Variants in LRP1B observed in about 807,000 individuals in gnomAD.
The protein encoded by LRP1B is LDL receptor related protein 1B.
Under a neutral mutation model 556.6 loss-of-function variants are expected in LRP1B, and 217 were observed. The observed-to-expected ratio is 0.39, with a 90% confidence interval of 0.35 to 0.44. The LOEUF is 0.44. Ranked by LOEUF, LRP1B falls within the 20% of genes least tolerant of loss-of-function variation. The probability of loss-of-function intolerance (pLI) is 1.00; values close to 1 mark genes in which losing one functional copy is unlikely to be tolerated. For missense variants in LRP1B, 5,053 were observed against 5,620.8 expected, an observed-to-expected ratio of 0.90 and a Z score of 3.23; for synonymous variants, 2,047 against 1,865.8, an observed-to-expected ratio of 1.10 and a Z score of -2.50.
chr2:141,031,351 A>G (rs982507755), intron 11 of LRP1B, among the ~76,000 whole-genome samples: 1 of 151,706 alleles, frequency 6.6e-6, no homozygotes, highest in Non-Finnish European at 1.5e-5. Context: ...TCAGAATTGA[A>G]GAGTATTACT....
chr2:141,930,341 A>T (rs1390532653), intron 1 of LRP1B, among the ~76,000 whole-genome samples: 1 of 152,070 alleles, frequency 6.6e-6, no homozygotes, highest in African/African-American at 2.4e-5. Flanking sequence ...TTAAAAACAA[A>T]ACTTGACATT....
At chr2:140,464,202 A>C (rs1687446412) in intron 60 of LRP1B, among the ~76,000 whole-genome samples, 1 of 151,534 alleles carries the variant, frequency 6.6e-6, no homozygotes, top group Non-Finnish European at 1.5e-5. Context: ...CTCAAATAAT[A>C]ATAATAATAA....
chr2:141,626,443 A>G (rs1314750633), intron 2 of LRP1B, among the ~76,000 whole-genome samples: 2 of 152,226 alleles, frequency 1.3e-5, no homozygotes, highest in East Asian at 3.8e-4. Flanking sequence ...CCAACTATGA[A>G]TGTAATAATT....
intron 31 of LRP1B, among the ~76,000 whole-genome samples, chr2:140,816,813 T>C (rs1465687211): frequency 1.3e-5 from 2 of 152,106 alleles, no homozygotes; most frequent in African/African-American, 2.4e-5. Context: ...TATAGAAGTA[T>C]AATACATATC....
chr2:140,264,716 G>A (rs1430956847), intron 86 of LRP1B, among the ~76,000 whole-genome samples: 1 of 67,790 alleles, frequency 1.5e-5, no homozygotes, highest in Non-Finnish European at 2.9e-5. Context: ...GTGTGTGTGT[G>A]TGTGTGTGTG....
intron 3 of LRP1B, among the ~76,000 whole-genome samples, chr2:141,343,625 C>G (rs1354185066): frequency 6.6e-6 from 1 of 152,110 alleles, no homozygotes; most frequent in East Asian, 1.9e-4. Context: ...TCTAATTTTT[C>G]CACATTAATG....
intron 16 of LRP1B, among the ~76,000 whole-genome samples, chr2:140,992,257 A>G (rs78465768): frequency 1.3e-5 from 2 of 152,172 alleles, no homozygotes; most frequent in Middle Eastern, 3.4e-3. Context: ...ACACAAAAAA[A>G]CCATGGCTTG....
chr2:141,566,440 A>T (rs995261176), intron 2 of LRP1B, among the ~76,000 whole-genome samples: 1 of 152,128 alleles, frequency 6.6e-6, no homozygotes, highest in African/African-American at 2.4e-5. Flanking sequence ...AATTAATAAG[A>T]ATTGTATAAT....
chr2:140,424,644 G>A (rs1685582520), intron 66 of LRP1B, among the ~76,000 whole-genome samples: 1 of 152,192 alleles, frequency 6.6e-6, no homozygotes. Flanking sequence ...ATGTGTTGCT[G>A]TCACAGTCCA....
intron 32 of LRP1B, among the ~76,000 whole-genome samples, chr2:140,785,369 C>A (rs143331047): frequency 2.6e-5 from 4 of 151,930 alleles, no homozygotes; most frequent in Non-Finnish European, 4.4e-5. Context: ...AACCTTCCTG[C>A]GTGACAATGA....
At chr2:141,739,651 T>C (rs72985383) in intron 2 of LRP1B, among the ~76,000 whole-genome samples, 12,856 of 151,064 alleles carry the variant, frequency 0.085, 797 homozygotes, top group African/African-American at 0.18. Context: ...AAGAAAGTTG[T>C]TAGCATAATT....
intron 32 of LRP1B, among the ~76,000 whole-genome samples, chr2:140,777,756 G>A (rs922477411): frequency 2.0e-5 from 3 of 151,912 alleles, no homozygotes; most frequent in Non-Finnish European, 4.4e-5. Flanking sequence ...CCTCAAGAAA[G>A]TAAAAGATGC....
chr2:140,989,753 T>G, intron 16 of LRP1B, 96 bp from the exon 17 acceptor site: 1 of 1,165,634 alleles, frequency 8.6e-7, no homozygotes, highest in Non-Finnish European at 1.2e-6. Flanking sequence ...GTAATAATAT[T>G]ATAGTACAAT....
At chr2:141,315,950 G>A (rs1036422095) in intron 3 of LRP1B, among the ~76,000 whole-genome samples, 1 of 60,954 alleles carries the variant, frequency 1.6e-5, no homozygotes, top group Non-Finnish European at 3.2e-5. Context: ...CAGGCTTTAT[G>A]GCTTTGTATT....
Position 141,631,159 on chromosome 2 carries a change from A to T in LRP1B, c.206-150626T>A, listed in dbSNP as rs576258747. On this transcript the variant is annotated intron_variant, in intron 2 of 90. Transcript: ENST00000389484. ...TTCTTTACATGATGGGAGGAAGGAG[A>T]AATGCCCAGCAAAAAGGGGAAAAGC... Among the ~76,000 whole-genome samples, 11 of 152,270 alleles carry T rather than the reference A, an allele frequency of 7.2e-5. No individual in the cohort carries two copies. In the East Asian group the frequency reaches 2.1e-3, roughly 30 times the overall value.
intron 79 of LRP1B, among the ~76,000 whole-genome samples, chr2:140,328,968 G>T (rs1372053969): frequency 6.6e-6 from 1 of 151,906 alleles, no homozygotes; most frequent in Non-Finnish European, 1.5e-5. Flanking sequence ...AATTATGAGT[G>T]GTCCAGGACC....
At chr2:142,091,121 T>C (rs1177863664) in intron 1 of LRP1B, among the ~76,000 whole-genome samples, 1 of 152,108 alleles carries the variant, frequency 6.6e-6, no homozygotes, top group Non-Finnish European at 1.5e-5. Context: ...AATTACCTGT[T>C]CTTTAAGCAA....
At chr2:140,395,196 C>A (rs1684197030) in intron 66 of LRP1B, among the ~76,000 whole-genome samples, 1 of 152,190 alleles carries the variant, frequency 6.6e-6, no homozygotes, top group African/African-American at 2.4e-5. Flanking sequence ...AATTCCCAGG[C>A]TATCTCATTG....
chr2:141,478,211 C>A (rs1682783803), intron 3 of LRP1B, among the ~76,000 whole-genome samples: 1 of 152,028 alleles, frequency 6.6e-6, no homozygotes, highest in East Asian at 1.9e-4. Context: ...TATATTAGAT[C>A]AAAAATCTAA....
Sources: allele counts gnomAD v4.1 joint callset (sites outside exome capture counted in the v4.1 genomes callset), GRCh38; gene constraint gnomAD v4.1.1; transcripts MANE v1.5; gene names NCBI Gene and HGNC (gene_info 2026-07-23, HGNC 2026-07-21).